The following CAMK1D variants were observed in gnomAD, a reference collection of about 807,000 sequenced individuals.
CAMK1D encodes calcium/calmodulin dependent protein kinase ID.
CAMK1D carries 9 observed loss-of-function variants against 47.7 expected under a neutral mutation model. The observed-to-expected ratio is 0.19, with a 90% CI of 0.11 to 0.33. CAMK1D has a LOEUF of 0.33. Ranked by LOEUF, CAMK1D falls within the 10% of genes least tolerant of loss-of-function variation. The pLI is 1.00. For synonymous variants in CAMK1D, 184 were observed against 184.9 expected (o/e 0.99, Z 0.04); for missense variants, 291 against 488.7 (o/e 0.60, Z 3.81).
chr10:12,440,475 A>T lies in CAMK1D; in HGVS notation c.92+90565A>T, dbSNP rs531916590. 5.3e-5 allele frequency among the ~76,000 whole-genome samples: 8 copies of T among 152,144 alleles called. No individual in the cohort carries two copies. In the South Asian group the frequency reaches 1.0e-3, roughly 20 times the overall value. ...GCTAATTTTTGTACTTTTAGTAGAG[A>T]TGGGGTTTCGCCATGTTGGCCAGGC... On this transcript the variant is annotated intron_variant, in intron 1 of 10. Coordinates refer to ENST00000619168, the MANE Select transcript of CAMK1D (RefSeq NM_153498.4).
chr10:12,421,346 A>G (rs1416254627), intron 1 of CAMK1D, among the ~76,000 whole-genome samples: 1 of 152,058 alleles, frequency 6.6e-6, no homozygotes, highest in African/African-American at 2.4e-5. Context: ...GGACAAGCCC[A>G]GTGTGCTTTG....
At chr10:12,756,669 G>A (rs1836238763) in intron 3 of CAMK1D, among the ~76,000 whole-genome samples, 1 of 152,232 alleles carries the variant, frequency 6.6e-6, no homozygotes, top group Non-Finnish European at 1.5e-5. Context: ...GCTCACACCT[G>A]TAATCCCAGC....
At chr10:12,506,860 C>T (rs1039448431) in intron 1 of CAMK1D, among the ~76,000 whole-genome samples, 1 of 152,144 alleles carries the variant, frequency 6.6e-6, no homozygotes, top group African/African-American at 2.4e-5. Flanking sequence ...CCCCCGAGCC[C>T]GAGGGTAGGA....
chr10:12,529,611 G>T (rs1835739572), intron 1 of CAMK1D, among the ~76,000 whole-genome samples: 1 of 152,080 alleles, frequency 6.6e-6, no homozygotes, highest in Admixed American at 6.6e-5. Flanking sequence ...TTTAGTAGTG[G>T]GTCTGTGAGT....
At chr10:12,462,544 A>G (rs1422768564) in intron 1 of CAMK1D, among the ~76,000 whole-genome samples, 2 of 152,002 alleles carry the variant, frequency 1.3e-5, no homozygotes, top group South Asian at 2.1e-4. Flanking sequence ...ATCTAACAGA[A>G]TTGTTGTAAA....
intron 1 of CAMK1D, among the ~76,000 whole-genome samples, chr10:12,359,289 T>C (rs1048404716): frequency 3.9e-5 from 6 of 152,230 alleles, no homozygotes; most frequent in African/African-American, 1.4e-4. Flanking sequence ...TGGGTGTGTG[T>C]GCAGTCAATG....
chr10:12,567,606 C>G (rs1411733090), intron 2 of CAMK1D, among the ~76,000 whole-genome samples: 1 of 152,182 alleles, frequency 6.6e-6, no homozygotes, highest in Admixed American at 6.5e-5. Context: ...GTTCAGTGTT[C>G]TTTCTAATGA....
intron 2 of CAMK1D, among the ~76,000 whole-genome samples, chr10:12,664,732 T>G (rs1416174888): frequency 1.3e-5 from 2 of 152,224 alleles, no homozygotes; most frequent in Admixed American, 1.3e-4. Flanking sequence ...CATGCAATAC[T>G]TGGGACGTAC....
chr10:12,658,040 C>G (rs546356097), intron 2 of CAMK1D, among the ~76,000 whole-genome samples: 6 of 152,154 alleles, frequency 3.9e-5, no homozygotes, highest in African/African-American at 7.2e-5. Flanking sequence ...GTCCTAGCTA[C>G]TCGGGAGGCT....
intron 2 of CAMK1D, among the ~76,000 whole-genome samples, chr10:12,654,148 C>T (rs10906196): frequency 0.22 from 33,258 of 152,238 alleles, 4,435 homozygotes; most frequent in East Asian, 0.31. Context: ...TCAAGCCCAG[C>T]GTCTTCAATC....
At chr10:12,706,371 G>A (rs750633684) in intron 3 of CAMK1D, among the ~76,000 whole-genome samples, 4 of 152,164 alleles carry the variant, frequency 2.6e-5, no homozygotes, top group Non-Finnish European at 5.9e-5. Context: ...CTACCGTGTC[G>A]TCCTTCTGAA....
chr10:12,583,609 T>A (rs113587217), intron 2 of CAMK1D, among the ~76,000 whole-genome samples: 1,619 of 126,384 alleles, frequency 0.013, 24 homozygotes, highest in African/African-American at 0.032. Context: ...TGTTTTATTT[T>A]TTTTTTTTTT....
chr10:12,529,766 G>A (rs762186736), intron 1 of CAMK1D, among the ~76,000 whole-genome samples: 58 of 152,274 alleles, frequency 3.8e-4, no homozygotes, highest in Non-Finnish European at 4.0e-4. Context: ...CGAGTGCTGG[G>A]AAAAGTCGTG....
chr10:12,563,354 TA>T (rs34112268), intron 2 of CAMK1D, among the ~76,000 whole-genome samples: 85,748 of 151,492 alleles, frequency 0.57, 24,403 homozygotes, highest in Middle Eastern at 0.71. Context: ...ACTCTGTCTC[TA>T]AAAAAAAAGG....
chr10:12,811,767 T>A (rs1588956756), intron 6 of CAMK1D, among the ~76,000 whole-genome samples: 1 of 152,176 alleles, frequency 6.6e-6, no homozygotes, highest in Non-Finnish European at 1.5e-5. Flanking sequence ...TAGAATTTAG[T>A]TTTTTCTCCA....
intron 1 of CAMK1D, among the ~76,000 whole-genome samples, chr10:12,456,057 G>T (rs1833233439): frequency 6.6e-6 from 1 of 152,082 alleles, no homozygotes; most frequent in East Asian, 1.9e-4. Context: ...CAGAAGCTTG[G>T]GTGGGAAAGA....
intron 2 of CAMK1D, among the ~76,000 whole-genome samples, chr10:12,606,150 C>T (rs17151973): frequency 0.21 from 32,629 of 152,114 alleles, 3,983 homozygotes; most frequent in South Asian, 0.3. Context: ...GAGTTAACAA[C>T]GCAGGTGCCG....
At chr10:12,610,500 T>G (rs1049201793) in intron 2 of CAMK1D, among the ~76,000 whole-genome samples, 4 of 152,170 alleles carry the variant, frequency 2.6e-5, no homozygotes, top group Admixed American at 1.3e-4. Flanking sequence ...TGAAGAAGCT[T>G]ACATCCACTT....
chr10:12,395,852 A>G (rs1838927511), intron 1 of CAMK1D, among the ~76,000 whole-genome samples: 2 of 151,714 alleles, frequency 1.3e-5, no homozygotes, highest in Admixed American at 1.3e-4. Context: ...GCATGAACCC[A>G]GGAGGCGGAG....
Sources: allele counts gnomAD v4.1 joint callset (sites outside exome capture counted in the v4.1 genomes callset), GRCh38; gene constraint gnomAD v4.1.1; transcripts MANE v1.5; gene names NCBI Gene and HGNC (gene_info 2026-07-23, HGNC 2026-07-21).